Variants in BMPR2 observed in about 807,000 individuals in gnomAD.
BMPR2 encodes bone morphogenetic protein receptor type-2.
A neutral mutation model predicts 100.8 loss-of-function variants in BMPR2; 29 were observed. That is an observed-to-expected ratio of 0.29 (90% CI 0.21 to 0.39). BMPR2 has a LOEUF of 0.39. Ranked by LOEUF, BMPR2 falls within the 10% of genes least tolerant of loss-of-function variation. The pLI, the probability that BMPR2 is intolerant of heterozygous loss-of-function variation, is 1.00. For missense variants in BMPR2, 1,011 were observed against 1,274.5 expected (o/e 0.79, Z 3.15); for synonymous variants, 382 against 442.3 (o/e 0.86, Z 1.71).
At chr2:202,544,544 G>A (rs886647786) in intron 10 of BMPR2, among the ~76,000 whole-genome samples, 10 of 151,900 alleles carry the variant, frequency 6.6e-5, no homozygotes, top group Non-Finnish European at 1.0e-4. Flanking sequence ...ATCCTGAATC[G>A]TTTCATTGCT....
intron 1 of BMPR2, among the ~76,000 whole-genome samples, chr2:202,455,949 C>CA (rs1692088868): frequency 1.3e-5 from 2 of 149,702 alleles, no homozygotes; most frequent in Admixed American, 1.3e-4. Context: ...CCTGTAGTCC[C>CA]AGCTACTTGG....
At chr2:202,500,040 C>T (rs1043884192) in intron 3 of BMPR2, among the ~76,000 whole-genome samples, 4 of 152,176 alleles carry the variant, frequency 2.6e-5, no homozygotes, top group South Asian at 2.1e-4. Flanking sequence ...CCCCAGAGGA[C>T]GAAGGTTCCC....
At chr2:202,551,472 A>G (rs1001739637) in intron 10 of BMPR2, among the ~76,000 whole-genome samples, 3 of 151,952 alleles carry the variant, frequency 2.0e-5, no homozygotes, top group Non-Finnish European at 4.4e-5. Flanking sequence ...TGCAGTGAGC[A>G]GAGATCGTGC....
chr2:202,526,141 CA>C (rs1172589922), intron 7 of BMPR2, among the ~76,000 whole-genome samples: 1 of 152,150 alleles, frequency 6.6e-6, no homozygotes, highest in Non-Finnish European at 1.5e-5. Context: ...GCTAGGATTA[CA>C]GGTGTGAGCC....
At chr2:202,512,868 G>A (rs1413252451) in intron 3 of BMPR2, among the ~76,000 whole-genome samples, 1 of 151,668 alleles carries the variant, frequency 6.6e-6, no homozygotes, top group East Asian at 1.9e-4. Flanking sequence ...TGCCTCCAAA[G>A]CCATGCTATT....
intron 1 of BMPR2, among the ~76,000 whole-genome samples, chr2:202,414,318 A>G (rs138479707): frequency 0.017 from 2,558 of 152,330 alleles, 59 homozygotes; most frequent in Admixed American, 0.046. Flanking sequence ...TGACTGTTCT[A>G]TCAGCTGTTG....
chr2:202,531,930 ATTTTTTTTTTTT>A (rs71035015), intron 8 of BMPR2, among the ~76,000 whole-genome samples: 7 of 52,278 alleles, frequency 1.3e-4, no homozygotes, highest in Non-Finnish European at 1.3e-4. Flanking sequence ...GCCCAGCTGT[ATTTTTTTTTTTT>A]TTTTTTTTTT....
intron 1 of BMPR2, among the ~76,000 whole-genome samples, chr2:202,420,726 T>C (rs1191412923): frequency 6.6e-6 from 1 of 151,450 alleles, no homozygotes; most frequent in Admixed American, 6.6e-5. Flanking sequence ...TTTGTAGTTT[T>C]AGTAGAGATG....
At chr2:202,467,810 G>C in intron 3 of BMPR2, 121 bp downstream of exon 3, 2 of 1,058,810 alleles carry the variant, frequency 1.9e-6, no homozygotes, top group Non-Finnish European at 2.8e-6. Context: ...TGTAATGCCA[G>C]CACTTTGGGA....
At position 202,560,616 on chromosome 2, in the gene BMPR2, T is replaced by C. The variant is rs1256850690; in HGVS notation, c.*670T>C. 2 of 152,754 alleles carry C rather than the reference T, an allele frequency of 1.3e-5. No individual in the cohort carries two copies. The highest frequency in any genetic ancestry group is 2.9e-5 in the Non-Finnish European group (2 of 68,120). 9.5% of individuals were successfully genotyped at this position (152,754 alleles called of 1,614,324 possible). On this transcript the variant is annotated 3_prime_UTR_variant, in exon 13 of 13. Transcript: ENST00000374580. The stretch of plus-strand genomic sequence containing the variant: ...GCACAGGAGAAGCAGCTACCTGATT[T>C]CTTACTTTCTCTCTCCTTATCATGG...
At chr2:202,534,883 CGGCTGGCCGGGCGGGGGGCTG>C (rs1336382440) in intron 9 of BMPR2, among the ~76,000 whole-genome samples, 104 of 144,090 alleles carry the variant, frequency 7.2e-4, no homozygotes, top group African/African-American at 2.5e-3. Context: ...CCGGACGGGG[CGGCTGGCCGGGCGGGGGGCTG>C]ACCCCCCCAC....
intron 1 of BMPR2, among the ~76,000 whole-genome samples, chr2:202,381,617 T>A (rs1980153): frequency 0.073 from 11,134 of 152,310 alleles, 528 homozygotes; most frequent in Middle Eastern, 0.1. Flanking sequence ...TATATAGTAC[T>A]ATTGCAGAAG....
At chr2:202,462,402 G>A (rs2105957587) in intron 1 of BMPR2, among the ~76,000 whole-genome samples, 1 of 152,070 alleles carries the variant, frequency 6.6e-6, no homozygotes, top group South Asian at 2.1e-4. Context: ...TGTATTTCTA[G>A]TGGAGACGGG....
Position 202,561,784 on chromosome 2 carries a change from G to GCCT in BMPR2, c.*1839_*1841dup, listed in dbSNP as rs1688681990. 6.6e-6 allele frequency: 1 copy of GCCT among 151,970 alleles called. No individual in the cohort carries two copies. Among genetic ancestry groups the GCCT allele is most frequent in the African/African-American group, 2.4e-5 (1 of 41,398 alleles). The allele number at this position is 151,970 out of a possible 1,614,324, so 9.4% of individuals were successfully genotyped here. ...ATATTTGTGATTTACTTGTATATAAGCCTTCTCATTTGCCATGTGCTGTGA... is the reference window on the plus strand; with the variant it reads ...ATATTTGTGATTTACTTGTATATAAGCCTCCTTCTCATTTGCCATGTGCTGTGA... On this transcript the variant is annotated 3_prime_UTR_variant, in exon 13 of 13. Transcript: ENST00000374580.
At chr2:202,462,766 G>T (rs1475962589) in intron 1 of BMPR2, among the ~76,000 whole-genome samples, 2 of 151,616 alleles carry the variant, frequency 1.3e-5, no homozygotes, top group Admixed American at 6.6e-5. Flanking sequence ...AAACTGGAGT[G>T]CAGTGGTGCG....
At chr2:202,390,506 A>G (rs1479429485) in intron 1 of BMPR2, among the ~76,000 whole-genome samples, 2 of 151,656 alleles carry the variant, frequency 1.3e-5, no homozygotes, top group Non-Finnish European at 2.9e-5. Flanking sequence ...TAATTTTTGT[A>G]TTTTTAGTAG....
chr2:202,457,551 TATATATATATAG>T (rs1321066779), intron 1 of BMPR2, among the ~76,000 whole-genome samples: 36 of 90,802 alleles, frequency 4.0e-4, no homozygotes, highest in African/African-American at 1.6e-3. Flanking sequence ...TTTATATATA[TATATATATATAG>T]AGAGAGAGAG....
chr2:202,469,072 C>T (rs1040100911), intron 3 of BMPR2, among the ~76,000 whole-genome samples: 2 of 151,844 alleles, frequency 1.3e-5, no homozygotes, highest in Non-Finnish European at 2.9e-5. Context: ...CTCTTGTTGC[C>T]GAGGCTGGAG....
chr2:202,469,786 A>G (rs530490078), intron 3 of BMPR2, among the ~76,000 whole-genome samples: 229 of 152,144 alleles, frequency 1.5e-3, no homozygotes, highest in African/African-American at 4.9e-3. Flanking sequence ...CCCGGCCCCA[A>G]TTGTATTTCA....
Sources: allele counts gnomAD v4.1 joint callset (sites outside exome capture counted in the v4.1 genomes callset), GRCh38; gene constraint gnomAD v4.1.1; transcripts MANE v1.5; gene names NCBI Gene and HGNC (gene_info 2026-07-23, HGNC 2026-07-21).